The following STXBP5 variants were observed in gnomAD, a reference collection of about 807,000 sequenced individuals.
The protein encoded by STXBP5 is syntaxin binding protein 5.
Under a neutral mutation model 152.4 loss-of-function variants are expected in STXBP5, and 50 were observed. That is an observed-to-expected ratio of 0.33 (90% CI 0.26 to 0.42). The LOEUF is 0.42. Among genes scored for constraint, STXBP5 ranks in the 10% least tolerant of loss-of-function variants. The probability of loss-of-function intolerance (pLI) is 1.00; values close to 1 mark genes in which losing one functional copy is unlikely to be tolerated. For synonymous variants in STXBP5, 492 were observed against 494.7 expected (o/e 0.99, Z 0.07); for missense variants, 1,167 against 1,388.6 (o/e 0.84, Z 2.54).
At chr6:147,360,522 T>C (rs1785016141) in intron 23 of STXBP5, among the ~76,000 whole-genome samples, 1 of 152,128 alleles carries the variant, frequency 6.6e-6, no homozygotes, top group Non-Finnish European at 1.5e-5. Context: ...ATAATTACTA[T>C]GTAAGAAAAT....
chr6:147,315,570 A>T lies in STXBP5; in HGVS notation c.1458A>T (p.Arg486Ser), dbSNP rs1441502797. The T allele has an allele frequency of 6.2e-7, 1 of 1,613,708 alleles. No individual in the cohort carries two copies. The highest frequency in any genetic ancestry group is 8.5e-7 in the Non-Finnish European group (1 of 1,179,846). Residue 486 changes from arginine to serine, a missense_variant, in exon 15 of 28, where the codon AGA becomes AGT. Physicochemically the swap from Arg to Ser is moderately radical, Grantham distance 110 (BLOSUM62 -1). Transcript: ENST00000321680. The part of the protein sequence containing the change: ...LKTSKVFEKS[R>S]NKDDRPNTDI... ...CATCTAAAGTATTTGAAAAGTCAAG[A>T]AATAAAGATGACAGGCCAAACACAG...
At chr6:147,352,641 C>A (rs1383150237) in intron 21 of STXBP5, among the ~76,000 whole-genome samples, 4 of 152,046 alleles carry the variant, frequency 2.6e-5, no homozygotes, top group African/African-American at 9.7e-5. Context: ...AACCCAGTAG[C>A]TATGAAGATG....
rs548313345 is a variant in STXBP5, at chr6:147,235,413, C to G, written c.330+82C>G. The G allele has an allele frequency of 1.3e-4, 143 of 1,088,392 alleles. No individual in the cohort carries two copies. In the South Asian group the frequency reaches 1.8e-3, roughly 13 times the overall value. The allele number at this position is 1,088,392 out of a possible 1,614,324, so 67.4% of individuals were successfully genotyped here. On this transcript the variant is annotated intron_variant, in intron 3 of 27. Coordinates refer to ENST00000321680, the MANE Select transcript of STXBP5 (RefSeq NM_001127715.4). ...CTTTCAGATTTCTTACATGCATTCA[C>G]AATTTATTTACATATTTGAACAAAA... is the stretch of plus-strand genomic sequence containing the variant.
At chr6:147,247,120 C>T (rs1257484461) in intron 4 of STXBP5, among the ~76,000 whole-genome samples, 1 of 151,950 alleles carries the variant, frequency 6.6e-6, no homozygotes, top group Non-Finnish European at 1.5e-5. Flanking sequence ...AGTACCAGAC[C>T]CCAAAATATC....
intron 17 of STXBP5, 72 bp from the exon 18 acceptor site, chr6:147,327,053 C>T (rs1156444591): frequency 5.3e-5 from 75 of 1,423,762 alleles, no homozygotes; most frequent in Middle Eastern, 2.0e-4. Context: ...TTTCTTCAGC[C>T]TTATAGACTG....
At chr6:147,279,048 A>C (rs768497974) in intron 8 of STXBP5, among the ~76,000 whole-genome samples, 1 of 152,312 alleles carries the variant, frequency 6.6e-6, no homozygotes, top group South Asian at 2.1e-4. Flanking sequence ...AGAGTAAATC[A>C]TCCTCCTCAG....
chr6:147,331,358 AGATT>A (rs1783560284), intron 18 of STXBP5, among the ~76,000 whole-genome samples: 1 of 152,242 alleles, frequency 6.6e-6, no homozygotes, highest in South Asian at 2.1e-4. Context: ...TAGGTTATAA[AGATT>A]GATTGTTTAC....
intron 3 of STXBP5, among the ~76,000 whole-genome samples, chr6:147,237,264 AT>A (rs1053083014): frequency 2.0e-5 from 3 of 151,650 alleles, no homozygotes; most frequent in African/African-American, 2.4e-5. Context: ...TGGAAGGGCC[AT>A]TTTTTTTGAC....
intron 21 of STXBP5, among the ~76,000 whole-genome samples, chr6:147,343,057 T>C (rs1784163348): frequency 2.0e-5 from 3 of 152,030 alleles, no homozygotes; most frequent in Admixed American, 2.0e-4. Context: ...GGATAAAAAA[T>C]AATGACTCGA....
chr6:147,362,910 A>G (rs1785127653), intron 23 of STXBP5, among the ~76,000 whole-genome samples: 1 of 152,188 alleles, frequency 6.6e-6, no homozygotes, highest in African/African-American at 2.4e-5. Flanking sequence ...ACTTTGGACA[A>G]GGCGCGTTCC....
At chr6:147,225,324 T>C (rs928601507) in intron 2 of STXBP5, among the ~76,000 whole-genome samples, 3 of 152,190 alleles carry the variant, frequency 2.0e-5, no homozygotes, top group African/African-American at 7.2e-5. Context: ...ATGATCCTTA[T>C]TCTTATCTTT....
At chr6:147,364,730 G>A (rs1785217344) in intron 25 of STXBP5, among the ~76,000 whole-genome samples, 1 of 152,122 alleles carries the variant, frequency 6.6e-6, no homozygotes, top group Non-Finnish European at 1.5e-5. Flanking sequence ...GAAGTGATCA[G>A]TTTAGCTTTA....
chr6:147,347,859 GTC>G (rs1416106871), intron 21 of STXBP5, among the ~76,000 whole-genome samples: 1 of 152,176 alleles, frequency 6.6e-6, no homozygotes, highest in Non-Finnish European at 1.5e-5. Flanking sequence ...TATCACAAGT[GTC>G]TGCAAATATT....
chr6:147,377,627 G>A (rs2128421063), intron 26 of STXBP5, among the ~76,000 whole-genome samples: 1 of 152,224 alleles, frequency 6.6e-6, no homozygotes, highest in East Asian at 1.9e-4. Flanking sequence ...CAGCCTTCTG[G>A]CTGCATTCTC....
chr6:147,220,319 A>G (rs1301337454), intron 2 of STXBP5, among the ~76,000 whole-genome samples: 12 of 152,146 alleles, frequency 7.9e-5, no homozygotes, highest in African/African-American at 2.9e-4. Flanking sequence ...TTAATGTTCC[A>G]TGTGAGTTTG....
chr6:147,335,082 C>G (rs947144257), intron 19 of STXBP5, among the ~76,000 whole-genome samples: 1 of 152,142 alleles, frequency 6.6e-6, no homozygotes, highest in African/African-American at 2.4e-5. Flanking sequence ...TTTCCTGATA[C>G]TAACTAGTCG....
intron 2 of STXBP5, among the ~76,000 whole-genome samples, chr6:147,219,172 G>A (rs1777330576): frequency 1.3e-5 from 2 of 152,118 alleles, no homozygotes; most frequent in African/African-American, 4.8e-5. Context: ...TGGATTTTCT[G>A]CATCAGTTGA....
intron 21 of STXBP5, among the ~76,000 whole-genome samples, chr6:147,350,420 G>A (rs1481833969): frequency 1.3e-5 from 2 of 151,996 alleles, no homozygotes; most frequent in African/African-American, 4.8e-5. Context: ...GTGAATGAAA[G>A]CATAAATATG....
At chr6:147,251,889 A>C (rs954032788) in intron 4 of STXBP5, among the ~76,000 whole-genome samples, 2 of 152,204 alleles carry the variant, frequency 1.3e-5, no homozygotes, top group Non-Finnish European at 2.9e-5. Context: ...AGAGGAAGGA[A>C]CAGGCAGCAA....
Sources: gnomAD v4.1 joint callset for allele counts (sites outside exome capture counted in the v4.1 genomes callset) on GRCh38, gnomAD v4.1.1 for gene constraint, MANE v1.5 for transcripts, NCBI Gene and HGNC (gene_info 2026-07-23, HGNC 2026-07-21) for gene names.